CPT1C: variants seen among roughly 807,000 people sequenced by gnomAD.
CPT1C encodes the protein carnitine palmitoyltransferase 1C.
A neutral mutation model predicts 97.3 loss-of-function variants in CPT1C; 61 were observed. The ratio of observed to expected loss-of-function variants is 0.63; its 90% CI spans 0.51 to 0.78. The LOEUF is 0.78. Ranked by LOEUF, CPT1C falls within the 30% of genes least tolerant of loss-of-function variation. CPT1C has a pLI of 0.00. For missense variants in CPT1C, 975 were observed against 1,065.5 expected (o/e 0.92, Z 1.18); for synonymous variants, 469 against 447.2 (o/e 1.05, Z -0.61).
In CPT1C at chr19:49,692,404, G is replaced by A. The variant is rs765300958; in HGVS notation, c.141+11G>A. 1.7e-5 allele frequency: 27 copies of A among 1,613,700 alleles called. No individual in the cohort carries two copies. In the African/African-American group the frequency reaches 3.3e-4, roughly 20 times the overall value. On this transcript the variant is annotated intron_variant, in intron 3 of 19. Coordinates refer to ENST00000598293, the MANE Select transcript of CPT1C (RefSeq NM_001199753.2). ...CTCTCACGTTTCTGGGTGAGGAGCG[G>A]TGCTGGTCGGTTTCCTTCCGGGGAT...
At chr19:49,697,648 T>C (rs2082742544) in intron 4 of CPT1C, 183 bp downstream of exon 4, 8 of 630,806 alleles carry the variant, frequency 1.3e-5, no homozygotes, top group South Asian at 2.2e-5. Flanking sequence ...CTCACCCCTG[T>C]AATCCCAGCA....
Position 49,712,962 on chromosome 19 carries a change from C to T in CPT1C, c.2134-10C>T, listed in dbSNP as rs765559766. On this transcript the variant is annotated splice_polypyrimidine_tract_variant and intron_variant, in intron 18 of 19. Coordinates refer to ENST00000598293, the MANE Select transcript of CPT1C (RefSeq NM_001199753.2). ...AGCTATTTTCTTCCCTTCACTCTTT[C>T]CGTCTCCAGGCTGATGACCATGGTT... The T allele has an allele frequency of 6.2e-7, 1 of 1,613,018 alleles. No individual in the cohort carries two copies. The highest frequency in any genetic ancestry group is 8.5e-7 in the Non-Finnish European group (1 of 1,179,054).
At chr19:49,711,480 T>A (rs2083884675) in intron 16 of CPT1C, 1 of 321,934 alleles carries the variant, frequency 3.1e-6, no homozygotes, top group Non-Finnish European at 5.8e-6. Flanking sequence ...TGCACCCCTG[T>A]ACCCTCTCTG....
intron 5 of CPT1C, 98 bp downstream of exon 5, chr19:49,700,953 C>T: frequency 2.3e-6 from 3 of 1,332,120 alleles, no homozygotes; most frequent in Non-Finnish European, 3.2e-6. Flanking sequence ...GGTCTCTGTC[C>T]CTCTCTCTCT....
At chr19:49,697,733 G>A in intron 4 of CPT1C, 1 of 326,796 alleles carries the variant, frequency 3.1e-6, no homozygotes, top group South Asian at 3.8e-5. Context: ...CCAACATGGT[G>A]AAACCTTGTC....
At position 49,713,597 on chromosome 19, in the gene CPT1C, G is replaced by T; in HGVS notation, c.2404G>T (p.Asp802Tyr). Residue 802 changes from aspartate to tyrosine, a missense_variant, in exon 20 of 20, where the codon GAC (aspartate) becomes TAC (tyrosine). Asp to Tyr is a radical substitution (Grantham distance 160). This residue lies in a region of CPT1C where 344 missense variants were observed against 395.7 expected (regional missense o/e 0.87). Coordinates refer to ENST00000598293, the MANE Select transcript of CPT1C (RefSeq NM_001199753.2). ...GASKASMTSTDF is the reference protein window; with the variant it reads ...GASKASMTSTYF ...CTCCAAGGCCTCAATGACATCCACC[G>T]ACTTCTGACTCCTTCCAGCAGGCAG... 1 of 1,608,158 alleles carries T rather than the reference G, an allele frequency of 6.2e-7. No individual in the cohort carries two copies. Among genetic ancestry groups the T allele is most frequent in the Non-Finnish European group, 8.5e-7 (1 of 1,177,298 alleles).
Position 49,713,055 on chromosome 19 carries a change from C to T in CPT1C, c.2217C>T (p.Ser739=). 1 of 1,613,642 alleles carries T rather than the reference C, an allele frequency of 6.2e-7. No individual in the cohort carries two copies. Among genetic ancestry groups the T allele is most frequent in the Non-Finnish European group, 8.5e-7 (1 of 1,179,562 alleles). ...ITFHISSKKS[S]TKTDSHRLGQ... ...TCCACATCTCCAGCAAAAAATCAAGCACAAAAACGGTGAGACAAACGTGTA... is the reference window on the plus strand; with the variant it reads ...TCCACATCTCCAGCAAAAAATCAAGTACAAAAACGGTGAGACAAACGTGTA... Residue 739 remains serine, a synonymous_variant, in exon 19 of 20, where the codon AGC becomes AGT. Coordinates refer to ENST00000598293, the MANE Select transcript of CPT1C (RefSeq NM_001199753.2).
intron 19 of CPT1C, 121 bp downstream of exon 19, chr19:49,713,185 A>G (rs1349367420): frequency 2.1e-4 from 178 of 829,460 alleles, no homozygotes; most frequent in East Asian, 5.5e-4. Flanking sequence ...CCTCAGACCC[A>G]GGAGTCCAGG....
At position 49,705,289 on chromosome 19, in the gene CPT1C, G is replaced by A. The variant is rs756750497; in HGVS notation, c.955G>A (p.Val319Ile). ...KIFNTTRIPG[V>I]QKDYIRHLHD... Reference sequence around the variant, plus strand: ...CTTCAACACCACGCGGATTCCAGGGGTCCAAAAAGGTGAGACCCTCTCCTG... The same window carrying A: ...CTTCAACACCACGCGGATTCCAGGGATCCAAAAAGGTGAGACCCTCTCCTG... The change falls in exon 10 of 20, where the codon GTC becomes ATC. Residue 319 changes from valine to isoleucine, a missense_variant. Coordinates refer to ENST00000598293, the MANE Select transcript of CPT1C (RefSeq NM_001199753.2). 1.3e-5 allele frequency: 21 copies of A among 1,595,862 alleles called. No homozygotes were observed. The highest frequency in any genetic ancestry group is 2.2e-5 in the East Asian group (1 of 44,478).
rs762437727 is a variant in CPT1C at position 49,710,747 on chromosome 19, T to G, written c.1756T>G (p.Tyr586Asp). 1 of 1,613,780 alleles carries G rather than the reference T, an allele frequency of 6.2e-7. No homozygotes were observed. Among genetic ancestry groups the G allele is most frequent in the Non-Finnish European group, 8.5e-7 (1 of 1,179,758 alleles). The change falls in exon 16 of 20, where the codon TAT (tyrosine) becomes GAT (aspartate). Residue 586 changes from tyrosine (Y) to aspartate (D), a missense_variant. This residue lies in a region of CPT1C where 344 missense variants were observed against 395.7 expected (regional missense o/e 0.87). Transcript: ENST00000598293. ...GGACAGGGGTCAATTCTGCCTGACT[T>G]ATGAGTCGGCCATGACTCGCTTATT... ...FRDRGQFCLT[Y>D]ESAMTRLFLE...
chr19:49,708,945 A>AC, intron 14 of CPT1C, 106 bp downstream of exon 14: 1 of 702,306 alleles, frequency 1.4e-6, no homozygotes, highest in Non-Finnish European at 2.4e-6. Context: ...CCCCATTCCT[A>AC]CCCCCAACCC....
In CPT1C at chr19:49,713,438, C is replaced by G. The variant is rs1371108356; in HGVS notation, c.2245C>G (p.Gln749Glu). Reference protein sequence around the residue: ...STKTDSHRLGQHIEDALLDVA... With the variant: ...STKTDSHRLGEHIEDALLDVA... ...CTTCCAGGATTCCCACAGGCTGGGG[C>G]AGCACATTGAGGACGCACTGCTGGA... is the stretch of plus-strand genomic sequence containing the variant. The change falls in exon 20 of 20, where the codon CAG becomes GAG. Residue 749 changes from glutamine to glutamate, a missense_variant. Physicochemically the swap from Gln to Glu is conservative, Grantham distance 29. Transcript: ENST00000598293. 6.2e-7 allele frequency: 1 copy of G among 1,613,084 alleles called. No individual in the cohort carries two copies. The highest frequency in any genetic ancestry group is 1.3e-5 in the African/African-American group (1 of 75,050).
At position 49,701,644 on chromosome 19, in the gene CPT1C, G is replaced by A. The variant is rs768362344; in HGVS notation, c.693+10G>A. On this transcript the variant is annotated intron_variant, in intron 7 of 19. Coordinates refer to ENST00000598293, the MANE Select transcript of CPT1C (RefSeq NM_001199753.2). Reference sequence around the variant, plus strand: ...GTGGGCGTCCAATTATGTGAGTCCCGCCACCGCCACCAACGCCCCACCTGA... The same window carrying A: ...GTGGGCGTCCAATTATGTGAGTCCCACCACCGCCACCAACGCCCCACCTGA... 59 of 1,585,016 alleles carry A rather than the reference G, an allele frequency of 3.7e-5. No individual in the cohort carries two copies. The East Asian group carries it at 9.1e-4, about 24-fold the overall frequency.
At chr19:49,705,334 A>G in intron 10 of CPT1C, 36 bp downstream of exon 10, 1 of 1,507,060 alleles carries the variant, frequency 6.6e-7, no homozygotes, top group Non-Finnish European at 9.0e-7. Context: ...ATGGAGGCAG[A>G]ACAATATAGT....
At chr19:49,709,482 C>T (rs2083714403) in intron 14 of CPT1C, among the ~76,000 whole-genome samples, 1 of 151,934 alleles carries the variant, frequency 6.6e-6, no homozygotes, top group Non-Finnish European at 1.5e-5. Flanking sequence ...CCTCCATCCC[C>T]ATCCCCAACC....
chr19:49,695,531 C>T (rs1273616134), intron 3 of CPT1C, among the ~76,000 whole-genome samples: 5 of 151,136 alleles, frequency 3.3e-5, no homozygotes, highest in East Asian at 2.0e-4. Flanking sequence ...GTGATCCACC[C>T]GCCTTGGCCT....
Position 49,701,897 on chromosome 19 carries a change from T to C in CPT1C, c.693+263T>C, listed in dbSNP as rs1415626529. On this transcript the variant is annotated intron_variant, in intron 7 of 19. Coordinates refer to ENST00000598293, the MANE Select transcript of CPT1C (RefSeq NM_001199753.2). ...ATATATAAATATATATATTTATTTA[T>C]AAATATATATATTTATATTTATATA... 2.6e-5 allele frequency among the ~76,000 whole-genome samples: 3 copies of C among 114,682 alleles called. No individual in the cohort carries two copies. The South Asian group carries it at 6.8e-4, about 26-fold the overall frequency. 75.2% of individuals were successfully genotyped at this position (114,682 alleles called of 152,430 possible). A position where few individuals can be genotyped will look rare whatever the true frequency, so the allele number is the denominator to read the frequency against.
At chr19:49,694,878 C>G (rs531714659) in intron 3 of CPT1C, among the ~76,000 whole-genome samples, 124 of 152,230 alleles carry the variant, frequency 8.1e-4, no homozygotes, top group Non-Finnish European at 1.5e-3. Context: ...TGGTGGCTCA[C>G]GCCTCTAATC....
rs1568521235 is a variant in CPT1C at position 49,702,039 on chromosome 19, T to TTATTTATAAATTATAAATAAATATA, written c.693+424_693+425insAATATATATTTATAAATTATAAATA. Among the ~76,000 whole-genome samples, 18 of 97,860 alleles carry TTATTTATAAATTATAAATAAATATA rather than the reference T, an allele frequency of 1.8e-4. 1 individual carries two copies. The highest frequency in any genetic ancestry group is 2.4e-4 in the African/African-American group (5 of 20,956). 64.2% of individuals were successfully genotyped at this position (97,860 alleles called of 152,430 possible). On this transcript the variant is annotated intron_variant, in intron 7 of 19. Transcript: ENST00000598293. ...TTATTTATAAATTATAAATATATAT[T>TTATTTATAAATTATAAATAAATATA]TATTTATAAATTATAAATATATATT...
Sources: allele counts gnomAD v4.1 joint callset (sites outside exome capture counted in the v4.1 genomes callset), GRCh38; gene constraint gnomAD v4.1.1; regional missense constraint gnomAD v4.1.1; transcripts MANE v1.5; gene names NCBI Gene and HGNC (gene_info 2026-07-23, HGNC 2026-07-21).